Variants in FAS observed in about 807,000 individuals in gnomAD.
FAS encodes the protein Fas cell surface death receptor.
Under a neutral mutation model 33.2 loss-of-function variants are expected in FAS, and 5 were observed. The observed-to-expected ratio is 0.15, with a 90% CI of 0.08 to 0.32. FAS has a LOEUF of 0.32. Among genes scored for constraint, FAS ranks in the 10% least tolerant of loss-of-function variants. The pLI, the probability that FAS is intolerant of heterozygous loss-of-function variation, is 1.00. For missense variants in FAS, 339 were observed against 386.0 expected, an observed-to-expected ratio of 0.88 and a Z score of 1.02; for synonymous variants, 131 against 130.7, an observed-to-expected ratio of 1.00 and a Z score of -0.01.
chr10:89,009,008 G>C lies in FAS; in HGVS notation c.443+11G>C. ...TGACCCTTGCACCAAGTAAGTTTTA[G>C]TCTTTCTCTGATTAAAACACTAGAT... On this transcript the variant is annotated intron_variant, in intron 4 of 8. Coordinates refer to ENST00000652046, the MANE Select transcript of FAS (RefSeq NM_000043.6). 1.3e-6 allele frequency: 2 copies of C among 1,589,702 alleles called. No homozygotes were observed. Among genetic ancestry groups the C allele is most frequent in the Non-Finnish European group, 1.7e-6 (2 of 1,157,954 alleles).
Position 89,003,370 on chromosome 10 carries a change from C to T in FAS, c.196+176C>T, listed in dbSNP as rs2296603. ...AGATGAGTTTTATTTATATTTATCA[C>T]GCTTATTTGATGTGGTTATGGATAA... is the stretch of plus-strand genomic sequence containing the variant. On this transcript the variant is annotated intron_variant, in intron 2 of 8. Transcript: ENST00000652046. Among the ~76,000 whole-genome samples the T allele has an allele frequency of 0.39, 59,554 of 151,992 alleles. 11,858 individuals are homozygous for T. The highest frequency in any genetic ancestry group is 0.5 in the East Asian group (2,583 of 5,176).
intron 2 of FAS, chr10:88,974,687 G>A (rs987457091): frequency 7.2e-5 from 11 of 152,268 alleles, no homozygotes; most frequent in African/African-American, 2.2e-4. Flanking sequence ...ACATTTCTGT[G>A]AATTCCACCA....
At chr10:88,998,937 CG>C (rs1032650990) in intron 1 of FAS, among the ~76,000 whole-genome samples, 9 of 152,026 alleles carry the variant, frequency 5.9e-5, no homozygotes, top group Non-Finnish European at 1.0e-4. Flanking sequence ...AGGCGGATCA[CG>C]GGGTCGAGAG....
intron 1 of FAS, among the ~76,000 whole-genome samples, chr10:88,993,818 A>G (rs949070355): frequency 6.6e-6 from 1 of 152,146 alleles, no homozygotes; most frequent in Non-Finnish European, 1.5e-5. Flanking sequence ...TTCATTTTTA[A>G]TGGGCCATAT....
chr10:88,974,971 A>G (rs1449281464), intron 2 of FAS: 1 of 152,162 alleles, frequency 6.6e-6, no homozygotes, highest in Non-Finnish European at 1.5e-5. Context: ...CTCAAAAGGC[A>G]TATTTAAAGT....
intron 1 of FAS, among the ~76,000 whole-genome samples, chr10:88,966,603 A>G (rs1000156040): frequency 6.6e-6 from 1 of 152,172 alleles, no homozygotes; most frequent in African/African-American, 2.4e-5. Context: ...AAAGGAAAGC[A>G]TGACTTAGAC....
chr10:88,990,808 G>T lies in FAS; in HGVS notation c.-69G>T. The T allele has an allele frequency of 6.2e-7, 1 of 1,608,918 alleles. No individual in the cohort carries two copies. The highest frequency in any genetic ancestry group is 1.7e-4 in the Middle Eastern group (1 of 6,054). Reference sequence around the variant, plus strand: ...CCCAGGCGGAGCTGCCTCTTCTCCCGCGGGTTGGTGGACCCGCTCAGTACG... The same window carrying T: ...CCCAGGCGGAGCTGCCTCTTCTCCCTCGGGTTGGTGGACCCGCTCAGTACG... On this transcript the variant is annotated 5_prime_UTR_variant, in exon 1 of 9. Transcript: ENST00000652046. This position sits in a 1 kb window ranked among gnomAD's most constrained non-coding sequence, Gnocchi z 4.9.
intron 8 of FAS, 67 bp downstream of exon 8, chr10:89,013,434 A>G (rs922107996): frequency 3.8e-5 from 54 of 1,422,496 alleles, no homozygotes; most frequent in Non-Finnish European, 5.0e-5. Flanking sequence ...ATTTCAGAGT[A>G]AAATAATGTT....
intron 1 of FAS, among the ~76,000 whole-genome samples, chr10:89,001,956 C>T (rs1416101980): frequency 1.3e-5 from 2 of 152,142 alleles, no homozygotes; most frequent in Non-Finnish European, 2.9e-5. Context: ...CAGCTTCTTC[C>T]CAAGCTTCAG....
chr10:88,975,240 T>G (rs564001467), intron 2 of FAS: 1 of 151,634 alleles, frequency 6.6e-6, no homozygotes, highest in South Asian at 2.1e-4. Context: ...TATTTTAAGG[T>G]TTGTGAGGAA....
chr10:88,986,505 C>T (rs900125868), upstream of FAS, among the ~76,000 whole-genome samples: 7 of 152,118 alleles, frequency 4.6e-5, no homozygotes, highest in Non-Finnish European at 4.4e-5. Context: ...TACCAGTTTT[C>T]ATAGTGGGAA....
intron 1 of FAS, among the ~76,000 whole-genome samples, chr10:89,000,865 G>A (rs1847884421): frequency 6.6e-6 from 1 of 152,000 alleles, no homozygotes; most frequent in Non-Finnish European, 1.5e-5. Flanking sequence ...TGGCCAACGT[G>A]GTGAAATGCC....
At position 89,010,616 on chromosome 10, in the gene FAS, CG is replaced by C. The variant is rs1848480189; in HGVS notation, c.505+18del. 6.2e-7 allele frequency: 1 copy of C among 1,612,140 alleles called. No homozygotes were observed. Among genetic ancestry groups the C allele is most frequent in the Non-Finnish European group, 8.5e-7 (1 of 1,178,532 alleles). On this transcript the variant is annotated intron_variant, in intron 5 of 8. Coordinates refer to ENST00000652046, the MANE Select transcript of FAS (RefSeq NM_000043.6). ...AAAGAGGAAGGTAATTATTTTTTTA[CG>C]GTTATATTCTCCTTTCCCCCAACCC... is the stretch of plus-strand genomic sequence containing the variant.
chr10:88,970,162 C>T (rs1846400091), intron 1 of FAS, among the ~76,000 whole-genome samples: 1 of 152,126 alleles, frequency 6.6e-6, no homozygotes, highest in African/African-American at 2.4e-5. Context: ...AAAGGTTTTA[C>T]TGTACTTGGA....
chr10:88,995,092 G>GTATATA (rs10694522), intron 1 of FAS, among the ~76,000 whole-genome samples: 2 of 151,232 alleles, frequency 1.3e-5, no homozygotes, highest in African/African-American at 4.9e-5. Context: ...TGCTATGTAT[G>GTATATA]TATATATATA....
At position 89,007,590 on chromosome 10, in the gene FAS, C is replaced by T. The variant is rs2296602; in HGVS notation, c.197-110C>T. ...ATTTATATCTCATTAGCCTACCCCC[C>T]CTCCCCTTGTGTTTTAGAAGAGTTT... is the stretch of plus-strand genomic sequence containing the variant. On this transcript the variant is annotated intron_variant, in intron 2 of 8. Coordinates refer to ENST00000652046, the MANE Select transcript of FAS (RefSeq NM_000043.6). 179,518 of 1,390,254 alleles carry T rather than the reference C, an allele frequency of 0.13. 16,362 individuals carry two copies. Among genetic ancestry groups the T allele is most frequent in the East Asian group, 0.46 (17,778 of 38,288 alleles). 86.1% of individuals were successfully genotyped at this position (1,390,254 alleles called of 1,614,324 possible). A position where few individuals can be genotyped will look rare whatever the true frequency, so the allele number is the denominator to read the frequency against.
At chr10:88,997,072 CA>C (rs1847642293) in intron 1 of FAS, among the ~76,000 whole-genome samples, 1 of 152,218 alleles carries the variant, frequency 6.6e-6, no homozygotes, top group Non-Finnish European at 1.5e-5. Flanking sequence ...GTGCTGAACA[CA>C]GATGCCATTA....
intron 1 of FAS, among the ~76,000 whole-genome samples, chr10:88,964,997 C>T (rs542914640): frequency 6.6e-6 from 1 of 152,118 alleles, no homozygotes; most frequent in Non-Finnish European, 1.5e-5. Context: ...TATAGTCCAG[C>T]CCTGTGTATT....
intron 1 of FAS, among the ~76,000 whole-genome samples, chr10:88,967,524 C>T (rs974911534): frequency 2.0e-5 from 3 of 152,266 alleles, no homozygotes; most frequent in Non-Finnish European, 4.4e-5. Flanking sequence ...AGCACTAACC[C>T]ATGCTTACAT....
Sources: gnomAD v4.1 joint callset for allele counts (sites outside exome capture counted in the v4.1 genomes callset) on GRCh38, gnomAD v4.1.1 for gene constraint, Gnocchi (gnomAD v3.1) non-coding constraint, MANE v1.5 for transcripts, NCBI Gene and HGNC (gene_info 2026-07-23, HGNC 2026-07-21) for gene names.